Variants in MYCBP2 observed in about 807,000 individuals in gnomAD.
MYCBP2 encodes MYC binding protein 2.
MYCBP2 carries 120 observed loss-of-function variants against 525.3 expected under a neutral mutation model. That is an observed-to-expected ratio of 0.23 (90% CI 0.20 to 0.27). MYCBP2 has a LOEUF of 0.27. Among genes scored for constraint, MYCBP2 ranks in the 10% least tolerant of loss-of-function variants. The pLI, the probability that MYCBP2 is intolerant of heterozygous loss-of-function variation, is 1.00. For synonymous variants in MYCBP2, 1,894 were observed against 1,955.8 expected, an observed-to-expected ratio of 0.97 and a Z score of 0.83; for missense variants, 4,149 against 5,657.1, an observed-to-expected ratio of 0.73 and a Z score of 8.55.
chr13:77,322,868 C>T (rs956500340), intron 1 of MYCBP2, among the ~76,000 whole-genome samples: 19 of 152,150 alleles, frequency 1.2e-4, no homozygotes, highest in Non-Finnish European at 1.8e-4. Context: ...CAGAATGTTC[C>T]GATTTTGATT....
At chr13:77,241,684 T>C (rs2068851589) in intron 17 of MYCBP2, among the ~76,000 whole-genome samples, 1 of 152,232 alleles carries the variant, frequency 6.6e-6, no homozygotes. Context: ...AGCCAAACAA[T>C]AGTAAATATT....
At chr13:77,287,758 C>T (rs2077037415) in intron 3 of MYCBP2, among the ~76,000 whole-genome samples, 1 of 152,174 alleles carries the variant, frequency 6.6e-6, no homozygotes, top group African/African-American at 2.4e-5. Context: ...AGGAGCACCT[C>T]CCAGCTTTCC....
chr13:77,191,642 T>C (rs1293335821), intron 28 of MYCBP2, 37 bp downstream of exon 28: 3 of 1,595,518 alleles, frequency 1.9e-6, no homozygotes, highest in Non-Finnish European at 1.7e-6. Context: ...CTAACAAAAA[T>C]AAGTATTGCT....
chr13:77,067,619 T>G lies in MYCBP2; in HGVS notation c.12417A>C (p.Gly4139=). 1 of 1,614,172 alleles carries G rather than the reference T, an allele frequency of 6.2e-7. No homozygotes were observed. Among genetic ancestry groups the G allele is most frequent in the Non-Finnish European group, 8.5e-7 (1 of 1,180,010 alleles). The change falls in exon 71 of 83, where the codon GGA becomes GGC. Residue 4139 remains glycine (G), a synonymous_variant. Transcript: ENST00000544440. ...TCATCGGAAGAGTAACTGTTGTAAC[T>G]CCTTTGCCCACAGTGGTACCAGCTG... is the stretch of plus-strand genomic sequence containing the variant. The part of the protein sequence containing the change: ...TGTAGTTVGK[G]VTTVTLPMIF...
chr13:77,148,447 AG>A (rs900457172), intron 47 of MYCBP2, among the ~76,000 whole-genome samples: 1 of 152,044 alleles, frequency 6.6e-6, no homozygotes, highest in African/African-American at 2.4e-5. Context: ...TGGCCTGTTC[AG>A]TTTTTTACCT....
At chr13:77,315,604 C>T (rs2080830615) in intron 1 of MYCBP2, among the ~76,000 whole-genome samples, 1 of 152,100 alleles carries the variant, frequency 6.6e-6, no homozygotes, top group Non-Finnish European at 1.5e-5. Context: ...TAATTAAAAA[C>T]TATCAGCAAG....
intron 1 of MYCBP2, among the ~76,000 whole-genome samples, chr13:77,307,351 C>T (rs2079571440): frequency 6.6e-6 from 1 of 151,822 alleles, no homozygotes; most frequent in Non-Finnish European, 1.5e-5. Flanking sequence ...TGTCATTCTC[C>T]AATTCAAAAG....
intron 25 of MYCBP2, 39 bp from the exon 26 acceptor site, chr13:77,205,422 C>G: frequency 5.6e-6 from 9 of 1,611,750 alleles, no homozygotes; most frequent in Non-Finnish European, 5.9e-6. Flanking sequence ...TTAAAAGATC[C>G]ATATATATTT....
Position 77,189,013 on chromosome 13 carries a change from T to C in MYCBP2, c.4189A>G (p.Lys1397Glu). ...PTSDGSASKG[K>E]QQTSEPVHIL... The stretch of plus-strand genomic sequence containing the variant: ...TGTACAGGTTCACTGGTTTGCTGTT[T>C]GCCTTTTGAAGCACTGCCATCACTG... Residue 1397 changes from lysine to glutamate, a missense_variant, in exon 30 of 83, where the codon AAA becomes GAA. Physicochemically the swap from Lys to Glu is moderately conservative, Grantham distance 56. Coordinates refer to ENST00000544440, the MANE Select transcript of MYCBP2 (RefSeq NM_015057.5). The C allele has an allele frequency of 6.2e-7, 1 of 1,611,508 alleles. No homozygotes were observed. Among genetic ancestry groups the C allele is most frequent in the Non-Finnish European group, 8.5e-7 (1 of 1,178,946 alleles).
intron 23 of MYCBP2, among the ~76,000 whole-genome samples, chr13:77,210,483 C>T (rs969933676): frequency 2.0e-5 from 3 of 152,156 alleles, no homozygotes; most frequent in South Asian, 2.1e-4. Flanking sequence ...TGAGCCACCG[C>T]ACCCGGCCCA....
At chr13:77,140,503 G>A (rs2054445321) in intron 50 of MYCBP2, among the ~76,000 whole-genome samples, 2 of 152,062 alleles carry the variant, frequency 1.3e-5, no homozygotes, top group Non-Finnish European at 2.9e-5. Flanking sequence ...TTAACATGCA[G>A]TTTACCAAAA....
In MYCBP2 at chr13:77,254,819, C is replaced by G. The variant is rs541520014; in HGVS notation, c.2176+2852G>C. Among the ~76,000 whole-genome samples, 4 of 151,808 alleles carry G rather than the reference C, an allele frequency of 2.6e-5. No individual in the cohort carries two copies. In the South Asian group the frequency reaches 6.2e-4, roughly 24 times the overall value. On this transcript the variant is annotated intron_variant, in intron 14 of 82. Transcript: ENST00000544440. ...ATTCTATTTACTATCTCCATGAAAT[C>G]AATTTTTTAGTTCCCATATATGAGT...
chr13:77,076,677 G>A, intron 68 of MYCBP2, 74 bp downstream of exon 68: 1 of 861,430 alleles, frequency 1.2e-6, no homozygotes. Context: ...AAAATATACA[G>A]CAATAAATGA....
intron 43 of MYCBP2, among the ~76,000 whole-genome samples, chr13:77,163,241 A>C (rs999856976): frequency 6.6e-6 from 1 of 152,228 alleles, no homozygotes; most frequent in African/African-American, 2.4e-5. Flanking sequence ...TATGTCAAAA[A>C]GTATATATAA....
intron 2 of MYCBP2, among the ~76,000 whole-genome samples, chr13:77,295,060 C>T (rs912398747): frequency 7.9e-5 from 12 of 152,170 alleles, no homozygotes; most frequent in African/African-American, 2.9e-4. Flanking sequence ...GCAGCCTCAG[C>T]CTCAGTCACA....
At chr13:77,070,579 C>A in intron 69 of MYCBP2, 52 bp downstream of exon 69, 1 of 1,277,228 alleles carries the variant, frequency 7.8e-7, no homozygotes, top group African/African-American at 1.5e-5. Context: ...AACAAACACA[C>A]ACACACACAC....
At position 77,061,171 on chromosome 13, in the gene MYCBP2, G is replaced by T. The variant is rs2039230923; in HGVS notation, c.13034C>A (p.Thr4345Lys). Reference protein sequence around the residue: ...MKAMVEFREHTGKPTTSSSEA... With the variant: ...MKAMVEFREHKGKPTTSSSEA... ...GGCTCAATCTTTAAACCTTTTACCT[G>T]TGTGTTCTCGGAATTCCACCATTGC... The change falls in exon 76 of 83, where the codon ACA becomes AAA. Residue 4345 changes from threonine to lysine, a missense_variant and splice_region_variant. Physicochemically the swap from Thr to Lys is moderately conservative, Grantham distance 78. This residue lies in a region of MYCBP2 where 220 missense variants were observed against 396.0 expected (regional missense o/e 0.56). Transcript: ENST00000544440. 1.2e-6 allele frequency: 2 copies of T among 1,603,634 alleles called. No individual in the cohort carries two copies. The highest frequency in any genetic ancestry group is 1.7e-6 in the Non-Finnish European group (2 of 1,175,702).
chr13:77,107,772 A>C (rs1228507050), intron 55 of MYCBP2, among the ~76,000 whole-genome samples: 2 of 152,014 alleles, frequency 1.3e-5, no homozygotes, highest in East Asian at 3.9e-4. Context: ...AAAAAAATAA[A>C]ATAAAGTAAC....
chr13:77,201,597 T>TC (rs1273193919), intron 26 of MYCBP2, among the ~76,000 whole-genome samples: 1 of 151,080 alleles, frequency 6.6e-6, no homozygotes, highest in African/African-American at 2.4e-5. Flanking sequence ...TACATTTTTT[T>TC]CAGCACCACA....
Sources: gnomAD v4.1 joint callset for allele counts (sites outside exome capture counted in the v4.1 genomes callset) on GRCh38, gnomAD v4.1.1 for gene constraint, gnomAD v4.1.1 regional missense constraint, MANE v1.5 for transcripts, NCBI Gene and HGNC (gene_info 2026-07-23, HGNC 2026-07-21) for gene names.